The following IARS2 variants were observed in gnomAD, a reference collection of about 807,000 sequenced individuals.
IARS2 encodes the protein isoleucyl-tRNA synthetase 2, mitochondrial, also known as isoleucine--tRNA ligase, mitochondrial.
IARS2 carries 56 observed loss-of-function variants against 126.3 expected under a neutral mutation model. That is an observed-to-expected ratio of 0.44 (90% CI 0.36 to 0.55). IARS2 has a LOEUF of 0.55. Among genes scored for constraint, IARS2 ranks in the 20% least tolerant of loss-of-function variants. The pLI, the probability that IARS2 is intolerant of heterozygous loss-of-function variation, is 0.00. For synonymous variants in IARS2, 407 were observed against 441.1 expected (o/e 0.92, Z 0.97); for missense variants, 1,127 against 1,245.9 (o/e 0.90, Z 1.44).
At chr1:220,125,959 T>C (rs1657146564) in intron 13 of IARS2, among the ~76,000 whole-genome samples, 1 of 151,300 alleles carries the variant, frequency 6.6e-6, no homozygotes, top group Admixed American at 6.6e-5. Flanking sequence ...ACAAAAAAAT[T>C]AGCTGGGTGC....
Position 220,139,055 on chromosome 1 carries a change from C to T in IARS2, c.2223C>T (p.Asn741=). The change falls in exon 18 of 23, where the codon AAC becomes AAT. Residue 741 remains asparagine, a synonymous_variant. Transcript: ENST00000366922. The part of the protein sequence containing the change: ...RFLLGNVADF[N]PETDSIPVND... ...TTTTGGGAAATGTGGCTGATTTCAA[C>T]CCAGAAACAGATTCCATCCCTGTAA... is the stretch of plus-strand genomic sequence containing the variant. The T allele has an allele frequency of 3.7e-6, 6 of 1,613,132 alleles. No homozygotes were observed. Among genetic ancestry groups the T allele is most frequent in the Non-Finnish European group, 5.1e-6 (6 of 1,179,268 alleles).
Position 220,138,043 on chromosome 1 carries a change from G to A in IARS2, c.2175G>A (p.Lys725=), listed in dbSNP as rs774368190. 6.2e-7 allele frequency: 1 copy of A among 1,613,760 alleles called. No homozygotes were observed. The highest frequency in any genetic ancestry group is 1.3e-5 in the African/African-American group (1 of 75,006). The stretch of plus-strand genomic sequence containing the variant: ...ATGCTGCCAGAGATGATATTAGCAA[G>A]GTTAGAACTATTATTCTTCCTATTT... The part of the protein sequence containing the change: ...VLNAARDDIS[K]LRNTLRFLLG... Residue 725 remains lysine (K), a splice_region_variant and synonymous_variant, in exon 17 of 23, where the codon AAG becomes AAA. Transcript: ENST00000366922.
At chr1:220,141,601 G>C (rs1186104703) in intron 19 of IARS2, among the ~76,000 whole-genome samples, 1 of 152,224 alleles carries the variant, frequency 6.6e-6, no homozygotes, top group Non-Finnish European at 1.5e-5. Flanking sequence ...GAATGAGATA[G>C]CGTAGCCATG....
chr1:220,094,632 A>C, intron 1 of IARS2, 149 bp downstream of exon 1: 1 of 658,040 alleles, frequency 1.5e-6, no homozygotes, highest in East Asian at 3.0e-5. Flanking sequence ...TGCTTCGCAC[A>C]GATTTTGTGG....
chr1:220,123,285 A>G (rs1657085698), intron 12 of IARS2, among the ~76,000 whole-genome samples: 1 of 152,144 alleles, frequency 6.6e-6, no homozygotes, highest in African/African-American at 2.4e-5. Context: ...TTTACTGTTA[A>G]AGTCCATCTA....
Position 220,134,450 on chromosome 1 carries a change from G to T in IARS2, c.1886G>T (p.Gly629Val). The T allele has an allele frequency of 1.9e-6, 3 of 1,613,494 alleles. No homozygotes were observed. Among genetic ancestry groups the T allele is most frequent in the Non-Finnish European group, 2.5e-6 (3 of 1,179,724 alleles). Reference sequence around the variant, plus strand: ...TACTTGGAAGGAAAAGACCAGCTCGGGGGTTGGTTTCAGTCATCCTTATTA... The same window carrying T: ...TACTTGGAAGGAAAAGACCAGCTCGTGGGTTGGTTTCAGTCATCCTTATTA... ...DLYLEGKDQL[G>V]GWFQSSLLTS... Residue 629 changes from glycine to valine, a missense_variant, in exon 15 of 23, where the codon GGG becomes GTG. Coordinates refer to ENST00000366922, the MANE Select transcript of IARS2 (RefSeq NM_018060.4).
intron 13 of IARS2, among the ~76,000 whole-genome samples, chr1:220,126,247 G>C (rs1471628554): frequency 6.6e-6 from 1 of 152,034 alleles, no homozygotes; most frequent in Non-Finnish European, 1.5e-5. Flanking sequence ...TGCACTCCAG[G>C]CTGGGCAACA....
chr1:220,112,452 C>T (rs1656826212), intron 11 of IARS2, among the ~76,000 whole-genome samples: 1 of 151,978 alleles, frequency 6.6e-6, no homozygotes, highest in Admixed American at 6.6e-5. Context: ...TACTTTTTAC[C>T]CCTTAACAAT....
chr1:220,108,699 A>C (rs1656732149), intron 10 of IARS2, among the ~76,000 whole-genome samples: 2 of 151,024 alleles, frequency 1.3e-5, no homozygotes, highest in South Asian at 4.2e-4. Context: ...TTTTATTTTT[A>C]ATAGAGACAG....
At chr1:220,128,342 A>T (rs1048258621) in intron 14 of IARS2, among the ~76,000 whole-genome samples, 25 of 152,082 alleles carry the variant, frequency 1.6e-4, no homozygotes, top group African/African-American at 5.8e-4. Context: ...CTGTGTTTAG[A>T]TATGTTCAGA....
intron 15 of IARS2, among the ~76,000 whole-genome samples, chr1:220,136,069 T>C (rs1657369600): frequency 6.6e-6 from 1 of 152,192 alleles, no homozygotes; most frequent in East Asian, 1.9e-4. Context: ...GATGAAAATA[T>C]CTAAAGTTTT....
intron 20 of IARS2, among the ~76,000 whole-genome samples, chr1:220,142,158 A>C (rs922267745): frequency 6.6e-6 from 1 of 152,212 alleles, no homozygotes; most frequent in Non-Finnish European, 1.5e-5. Context: ...ATGTATTAGC[A>C]GCTTGACAGT....
chr1:220,129,039 T>A (rs563756377), intron 14 of IARS2, among the ~76,000 whole-genome samples: 2 of 151,968 alleles, frequency 1.3e-5, no homozygotes, highest in Admixed American at 1.3e-4. Context: ...TGTGCCACCA[T>A]GCCCAGCTAA....
chr1:220,114,275 G>T, intron 11 of IARS2, 39 bp from the exon 12 acceptor site: 1 of 1,565,428 alleles, frequency 6.4e-7, no homozygotes, highest in South Asian at 1.1e-5. Context: ...TACTTGTTCT[G>T]CTTTCTCTCA....
At chr1:220,129,878 G>A (rs1430098413) in intron 14 of IARS2, among the ~76,000 whole-genome samples, 1 of 152,054 alleles carries the variant, frequency 6.6e-6, no homozygotes, top group African/African-American at 2.4e-5. Flanking sequence ...CCTAGTAGTG[G>A]GATTGCTGGC....
intron 2 of IARS2, among the ~76,000 whole-genome samples, chr1:220,098,069 A>G (rs1039297828): frequency 1.3e-5 from 2 of 151,922 alleles, no homozygotes; most frequent in African/African-American, 4.8e-5. Flanking sequence ...ATTATTTTTT[A>G]GTAGAGACGT....
rs763518917 is a variant in IARS2 at position 220,110,775 on chromosome 1, T to A, written c.1328-11T>A. 1.3e-6 allele frequency: 2 copies of A among 1,571,646 alleles called. No homozygotes were observed. Among genetic ancestry groups the A allele is most frequent in the Non-Finnish European group, 1.7e-6 (2 of 1,158,748 alleles). ...TTAATTATGTCTAATTTGGTGTTTTTTTTTTTAAAGTTATAAAGATGCTTC... is the reference window on the plus strand; with the variant it reads ...TTAATTATGTCTAATTTGGTGTTTTATTTTTTAAAGTTATAAAGATGCTTC... On this transcript the variant is annotated splice_polypyrimidine_tract_variant and intron_variant, in intron 10 of 22. Transcript: ENST00000366922.
Position 220,100,518 on chromosome 1 carries a change from A to G in IARS2, c.419A>G (p.His140Arg). 6.2e-7 allele frequency: 1 copy of G among 1,612,524 alleles called. No individual in the cohort carries two copies. Among genetic ancestry groups the G allele is most frequent in the Non-Finnish European group, 8.5e-7 (1 of 1,179,232 alleles). Residue 140 changes from histidine (H) to arginine (R), a missense_variant, in exon 3 of 23, where the codon CAT becomes CGT. Coordinates refer to ENST00000366922, the MANE Select transcript of IARS2 (RefSeq NM_018060.4). ...KILKDIANRF[H>R]MMNGSKIHFV... ...TTGAAAGACATAGCCAATCGATTCC[A>G]TATGATGAATGGCTCCAAAATACAT...
At chr1:220,096,250 A>T (rs1402807617) in intron 2 of IARS2, 24 bp downstream of exon 2, 1 of 1,471,072 alleles carries the variant, frequency 6.8e-7, no homozygotes, top group African/African-American at 1.4e-5. Context: ...AGGTTATGAC[A>T]CTTGAAAGAA....
Sources: allele counts gnomAD v4.1 joint callset (sites outside exome capture counted in the v4.1 genomes callset), GRCh38; gene constraint gnomAD v4.1.1; transcripts MANE v1.5; gene names NCBI Gene and HGNC (gene_info 2026-07-23, HGNC 2026-07-21).